The following UBE3A variants were observed in gnomAD, a reference collection of about 807,000 sequenced individuals.
UBE3A encodes ubiquitin-protein ligase E3A.
A neutral mutation model predicts 83.4 loss-of-function variants in UBE3A; 6 were observed. That is an observed-to-expected ratio of 0.07 (90% CI 0.04 to 0.14). The LOEUF (loss-of-function observed/expected upper bound fraction) is 0.14, where lower values mean the gene tolerates loss of function less well. Among genes scored for constraint, UBE3A ranks in the 10% least tolerant of loss-of-function variants. UBE3A has a pLI of 1.00. For synonymous variants in UBE3A, 337 were observed against 355.4 expected (o/e 0.95, Z 0.58); for missense variants, 456 against 1,036.1 (o/e 0.44, Z 7.69).
At chr15:25,411,246 TG>T (rs2089935703) in intron 2 of UBE3A, among the ~76,000 whole-genome samples, 1 of 152,226 alleles carries the variant, frequency 6.6e-6, no homozygotes, top group South Asian at 2.1e-4. Context: ...AGAGCTGTCA[TG>T]GATAAACAAG....
chr15:25,391,453 T>G (rs2084370567), intron 4 of UBE3A: 1 of 152,250 alleles, frequency 6.6e-6, no homozygotes, highest in Admixed American at 6.5e-5. Context: ...AATTGTACCG[T>G]ACACTTCAAA....
intron 1 of UBE3A, among the ~76,000 whole-genome samples, chr15:25,425,727 C>G (rs559762132): frequency 1.3e-5 from 2 of 151,992 alleles, no homozygotes; most frequent in Non-Finnish European, 2.9e-5. Flanking sequence ...TTTTTCTTTT[C>G]TGTATTTCCT....
intron 4 of UBE3A, among the ~76,000 whole-genome samples, chr15:25,398,187 A>C (rs1291335583): frequency 6.6e-6 from 1 of 151,034 alleles, no homozygotes; most frequent in Non-Finnish European, 1.5e-5. Context: ...AAAAAAAAAA[A>C]AAAACACAAA....
chr15:25,419,436 A>G (rs142637718), intron 1 of UBE3A: 196 of 152,250 alleles, frequency 1.3e-3, no homozygotes, highest in African/African-American at 4.5e-3. Flanking sequence ...TAAAATGAAG[A>G]GTGAAATAAA....
chr15:25,400,507 G>C (rs1034974091), intron 4 of UBE3A, among the ~76,000 whole-genome samples: 10 of 152,176 alleles, frequency 6.6e-5, no homozygotes, highest in African/African-American at 1.9e-4. Flanking sequence ...CCAAATGTTG[G>C]TTCAATTTGC....
At chr15:25,357,075 G>A (rs1285176572) in intron 7 of UBE3A, among the ~76,000 whole-genome samples, 179 bp from the exon 8 acceptor site, 1 of 152,112 alleles carries the variant, frequency 6.6e-6, no homozygotes, top group African/African-American at 2.4e-5. Flanking sequence ...ACATATATCT[G>A]CTATAAATTG....
rs1268951388 is a variant in UBE3A at position 25,375,766 on chromosome 15, G to A, written c.63-3C>T. 2.5e-6 allele frequency: 4 copies of A among 1,608,134 alleles called. No homozygotes were observed. Among genetic ancestry groups the A allele is most frequent in the East Asian group, 2.2e-5 (1 of 44,864 alleles). On this transcript the variant is annotated splice_region_variant and splice_polypyrimidine_tract_variant and intron_variant, in intron 4 of 12. Transcript: ENST00000648336. ...GATGCTTTGCAGCTGCTCGCTTCCT[G>A]TACCAAACATTCAAACAATAAGCAC...
At chr15:25,413,853 C>A (rs2090426514) in intron 1 of UBE3A, among the ~76,000 whole-genome samples, 2 of 152,110 alleles carry the variant, frequency 1.3e-5, no homozygotes, top group Admixed American at 1.3e-4. Context: ...CCTCTGGCTT[C>A]CCTAATGTTG....
intron 7 of UBE3A, among the ~76,000 whole-genome samples, chr15:25,358,979 G>A (rs2077617756): frequency 6.6e-6 from 1 of 152,118 alleles, no homozygotes; most frequent in South Asian, 2.1e-4. Flanking sequence ...TTAATAAAAT[G>A]TCACAAATGC....
intron 5 of UBE3A, chr15:25,374,793 CA>C (rs992075086): frequency 6.6e-6 from 1 of 152,566 alleles, no homozygotes; most frequent in Non-Finnish European, 1.5e-5. Context: ...GGTAGTCATT[CA>C]AAAATTTGAT....
At chr15:25,402,158 A>G (rs2087298853) in intron 4 of UBE3A, among the ~76,000 whole-genome samples, 1 of 152,174 alleles carries the variant, frequency 6.6e-6, no homozygotes, top group Non-Finnish European at 1.5e-5. Flanking sequence ...AGAAGCTGAG[A>G]CTTGTTCCAG....
intron 1 of UBE3A, among the ~76,000 whole-genome samples, chr15:25,430,055 ATG>A (rs1892702374): frequency 3.7e-5 from 4 of 108,688 alleles, no homozygotes; most frequent in Non-Finnish European, 6.7e-5. Flanking sequence ...ATATATTTAT[ATG>A]TATTATATAT....
At chr15:25,364,099 G>A (rs11853692) in intron 6 of UBE3A, among the ~76,000 whole-genome samples, 18,089 of 151,282 alleles carry the variant, frequency 0.12, 1,430 homozygotes, top group East Asian at 0.42. Flanking sequence ...GGTGGCATGC[G>A]CCTGTCATCC....
chr15:25,370,695 G>T lies in UBE3A; in HGVS notation c.1479C>A (p.Asp493Glu). 1 of 1,614,048 alleles carries T rather than the reference G, an allele frequency of 6.2e-7. No homozygotes were observed. The highest frequency in any genetic ancestry group is 8.5e-7 in the Non-Finnish European group (1 of 1,179,996). Residue 493 changes from aspartate (D) to glutamate (E), a missense_variant, in exon 6 of 13, where the codon GAC (aspartate) becomes GAA (glutamate). Around this residue, in one of 13 missense-constraint regions of UBE3A, gnomAD observed 58 missense variants for 237.1 expected, o/e 0.24. Transcript: ENST00000648336. The surrounding 1 kb of genome is among the most constrained non-coding windows in gnomAD (Gnocchi z 4.2). ...AVTKNLGLYY[D>E]NRIRMYSERR... ...GTTCACTGTACATGCGAATTCTATT[G>T]TCATAATATAATCCCAAATTCTTTG...
intron 1 of UBE3A, among the ~76,000 whole-genome samples, chr15:25,430,459 C>G (rs1036396119): frequency 6.7e-6 from 1 of 150,326 alleles, no homozygotes; most frequent in Non-Finnish European, 1.5e-5. Flanking sequence ...CCCAGTTTCT[C>G]AAAATCTGGC....
intron 4 of UBE3A, among the ~76,000 whole-genome samples, chr15:25,386,547 G>GT (rs1230902696): frequency 6.6e-6 from 1 of 152,224 alleles, no homozygotes; most frequent in South Asian, 2.1e-4. Context: ...ACAGAACACT[G>GT]TAAGAGAAAT....
At chr15:25,349,228 G>A (rs2076150497) in intron 11 of UBE3A, among the ~76,000 whole-genome samples, 1 of 152,164 alleles carries the variant, frequency 6.6e-6, no homozygotes, top group South Asian at 2.1e-4. Context: ...TTTAGAAAAT[G>A]AATGACATCC....
intron 4 of UBE3A, among the ~76,000 whole-genome samples, chr15:25,382,396 T>TG (rs760920270): frequency 6.8e-6 from 1 of 147,254 alleles, no homozygotes; most frequent in African/African-American, 2.5e-5. Context: ...TGATATATGA[T>TG]AAAAAAAAAA....
intron 1 of UBE3A, chr15:25,419,111 G>C (rs1229355000): frequency 6.6e-6 from 1 of 152,124 alleles, no homozygotes; most frequent in Non-Finnish European, 1.5e-5. Flanking sequence ...AGATTCATGA[G>C]CAAAATAAAT....
Sources: gnomAD v4.1 joint callset for allele counts (sites outside exome capture counted in the v4.1 genomes callset) on GRCh38, gnomAD v4.1.1 for gene constraint, gnomAD v4.1.1 regional missense constraint, Gnocchi (gnomAD v3.1) non-coding constraint, MANE v1.5 for transcripts, NCBI Gene and HGNC (gene_info 2026-07-23, HGNC 2026-07-21) for gene names.